The following HDAC4 variants were observed in gnomAD, a reference collection of about 807,000 sequenced individuals.
The protein encoded by HDAC4 is histone deacetylase 4, also known as histone deacetylase A.
HDAC4 carries 16 observed loss-of-function variants against 135.1 expected under a neutral mutation model. The ratio of observed to expected loss-of-function variants is 0.12; its 90% CI spans 0.08 to 0.18. The LOEUF (loss-of-function observed/expected upper bound fraction) is 0.18. HDAC4 is among the 10% of genes least tolerant of loss of function. The probability of loss-of-function intolerance (pLI) is 1.00; values close to 1 mark genes in which losing one functional copy is unlikely to be tolerated. For synonymous variants in HDAC4, 685 were observed against 653.4 expected (o/e 1.05, Z -0.74); for missense variants, 1,143 against 1,511.8 (o/e 0.76, Z 4.05).
At chr2:239,079,854 A>G (rs1433156227) in intron 22 of HDAC4, among the ~76,000 whole-genome samples, 2 of 151,072 alleles carry the variant, frequency 1.3e-5, no homozygotes, top group Non-Finnish European at 2.9e-5. Flanking sequence ...ACACAAAGAC[A>G]TGTGCATGCA....
At chr2:239,310,392 TC>T (rs879879982) in intron 2 of HDAC4, among the ~76,000 whole-genome samples, 2 of 151,770 alleles carry the variant, frequency 1.3e-5, no homozygotes, top group Admixed American at 6.6e-5. Context: ...TGGATTTTGC[TC>T]CCCCCCGAAC....
intron 2 of HDAC4, among the ~76,000 whole-genome samples, chr2:239,261,951 T>C (rs1341020838): frequency 6.6e-6 from 1 of 152,214 alleles, no homozygotes; most frequent in Non-Finnish European, 1.5e-5. Context: ...CCTGGCGCCA[T>C]GAAAGCACTG....
intron 16 of HDAC4, among the ~76,000 whole-genome samples, chr2:239,096,408 C>G (rs2037054759): frequency 2.2e-5 from 3 of 137,994 alleles, no homozygotes; most frequent in Non-Finnish European, 1.6e-5. Context: ...CAGACGCCTG[C>G]ACCATCACCC....
chr2:239,341,823 C>T (rs1203522346), intron 2 of HDAC4, among the ~76,000 whole-genome samples: 2 of 152,104 alleles, frequency 1.3e-5, no homozygotes, highest in African/African-American at 2.4e-5. Flanking sequence ...TGTTGGCGTC[C>T]CCCCCAAAAT....
At chr2:239,325,043 A>G (rs1389236787) in intron 2 of HDAC4, among the ~76,000 whole-genome samples, 3 of 152,268 alleles carry the variant, frequency 2.0e-5, no homozygotes, top group Non-Finnish European at 2.9e-5. Context: ...GCCACAGGCA[A>G]AGGAATGAAG....
intron 24 of HDAC4, among the ~76,000 whole-genome samples, chr2:239,059,345 A>G (rs1275325662): frequency 1.3e-5 from 2 of 152,206 alleles, no homozygotes; most frequent in African/African-American, 4.8e-5. Context: ...TGAAAAGAAA[A>G]AAGGATGCTG....
rs902764660 is a variant in HDAC4 at position 239,139,541 on chromosome 2, TA to T, written c.978+142del. The T allele has an allele frequency of 6.7e-5, 53 of 793,188 alleles. No homozygotes were observed. Among genetic ancestry groups the T allele is most frequent in the African/African-American group, 6.2e-4 (37 of 59,556 alleles). 49.1% of individuals were successfully genotyped at this position (793,188 alleles called of 1,614,324 possible). ...GAGTAACCTCCAACTGCGTCCTTTT[TA>T]GGATGGCTCACAGGCCACTTTCCCT... is the stretch of plus-strand genomic sequence containing the variant. On this transcript the variant is annotated intron_variant, in intron 9 of 26. Transcript: ENST00000543185. This position sits in a 1 kb window ranked among gnomAD's most constrained non-coding sequence, Gnocchi z 5.3.
chr2:239,084,686 CACAG>C (rs746648463), intron 19 of HDAC4, among the ~76,000 whole-genome samples: 10 of 150,126 alleles, frequency 6.7e-5, no homozygotes, highest in East Asian at 2.0e-4. Context: ...CACCCTCCCA[CACAG>C]ACACACACAC....
rs570559739 is a variant in HDAC4, at chr2:239,078,557, T to G, written c.2750+2538A>C. Among the ~76,000 whole-genome samples, 10 of 152,328 alleles carry G rather than the reference T, an allele frequency of 6.6e-5. No individual in the cohort carries two copies. The East Asian group carries it at 1.9e-3, about 29-fold the overall frequency. On this transcript the variant is annotated intron_variant, in intron 22 of 26. Coordinates refer to ENST00000543185, the MANE Select transcript of HDAC4 (RefSeq NM_001378414.1). ...ATAAAAAAAAAACCCTGAAACAATT[T>G]TCCTTTTCAAAGATGCTATTTAAGC... is the stretch of plus-strand genomic sequence containing the variant.
intron 1 of HDAC4, among the ~76,000 whole-genome samples, chr2:239,371,100 G>C (rs1172923901): frequency 1.3e-5 from 2 of 152,196 alleles, no homozygotes; most frequent in Non-Finnish European, 2.9e-5. Context: ...AATCACCCAG[G>C]ACAGAGTCCA....
At chr2:239,325,562 A>G (rs1485926883) in intron 2 of HDAC4, among the ~76,000 whole-genome samples, 1 of 152,248 alleles carries the variant, frequency 6.6e-6, no homozygotes, top group Non-Finnish European at 1.5e-5. Context: ...TCAAAATTGG[A>G]AAATAAAAAA....
intron 24 of HDAC4, among the ~76,000 whole-genome samples, chr2:239,062,044 G>A (rs1166705173): frequency 1.3e-5 from 2 of 152,246 alleles, no homozygotes; most frequent in Non-Finnish European, 2.9e-5. Context: ...GTTGGCTGGA[G>A]GCCCGACTCG....
chr2:239,371,770 A>G (rs916974101), intron 1 of HDAC4, among the ~76,000 whole-genome samples: 1 of 152,138 alleles, frequency 6.6e-6, no homozygotes, highest in Non-Finnish European at 1.5e-5. Flanking sequence ...CCGGGCCTTT[A>G]CCTGTGGTCC....
chr2:239,342,866 C>T (rs1371539374), intron 2 of HDAC4, among the ~76,000 whole-genome samples: 1 of 152,150 alleles, frequency 6.6e-6, no homozygotes, highest in Non-Finnish European at 1.5e-5. Flanking sequence ...GGGAAACAGC[C>T]GCCTACACTG....
At chr2:239,053,169 G>T in intron 26 of HDAC4, 33 bp from the exon 27 acceptor site, 1 of 1,613,336 alleles carries the variant, frequency 6.2e-7, no homozygotes. Flanking sequence ...AGATGGGGGC[G>T]TGGGGCAGGT....
intron 3 of HDAC4, among the ~76,000 whole-genome samples, chr2:239,195,770 T>C (rs1286063046): frequency 6.6e-6 from 1 of 152,182 alleles, no homozygotes; most frequent in Non-Finnish European, 1.5e-5. Flanking sequence ...GAGAAACATA[T>C]TAAGACAATC....
chr2:239,350,652 C>T (rs527714783), intron 2 of HDAC4, among the ~76,000 whole-genome samples: 3 of 152,038 alleles, frequency 2.0e-5, no homozygotes, highest in Non-Finnish European at 4.4e-5. Context: ...TACAGGCACA[C>T]GCCACCACGC....
intron 2 of HDAC4, among the ~76,000 whole-genome samples, chr2:239,297,696 G>A (rs1057328561): frequency 2.0e-5 from 3 of 152,200 alleles, no homozygotes; most frequent in African/African-American, 4.8e-5. Flanking sequence ...ATTGCACCAC[G>A]CTGTCACCAT....
At chr2:239,323,257 G>A (rs1019419132) in intron 2 of HDAC4, among the ~76,000 whole-genome samples, 3 of 152,184 alleles carry the variant, frequency 2.0e-5, no homozygotes, top group African/African-American at 4.8e-5. Flanking sequence ...GACATGGGGA[G>A]ACAAAGAGGG....
Sources: gnomAD v4.1 joint callset for allele counts (sites outside exome capture counted in the v4.1 genomes callset) on GRCh38, gnomAD v4.1.1 for gene constraint, Gnocchi (gnomAD v3.1) non-coding constraint, MANE v1.5 for transcripts, NCBI Gene and HGNC (gene_info 2026-07-23, HGNC 2026-07-21) for gene names.